WWOX: variants seen among roughly 807,000 people sequenced by gnomAD.
WWOX encodes the protein WW domain-containing oxidoreductase.
In WWOX, 69 loss-of-function variants were observed where a neutral mutation model predicts 46.2. The ratio of observed to expected loss-of-function variants is 1.49; its 90% CI spans 1.23 to 1.82. The LOEUF is 1.82. WWOX is among the 40% of genes most tolerant of loss of function. The pLI is 0.00. For synonymous variants in WWOX, 359 were observed against 202.6 expected (o/e 1.77, Z -6.56); for missense variants, 919 against 542.6 (o/e 1.69, Z -6.89).
At chr16:78,419,666 A>AT (rs1182113064) in intron 6 of WWOX, among the ~76,000 whole-genome samples, 9 of 149,930 alleles carry the variant, frequency 6.0e-5, no homozygotes, top group Non-Finnish European at 1.0e-4. Flanking sequence ...AGAGACTTAA[A>AT]TGTAAGAGCT....
At chr16:78,972,329 G>C (rs1019553528) in intron 8 of WWOX, among the ~76,000 whole-genome samples, 1 of 152,146 alleles carries the variant, frequency 6.6e-6, no homozygotes, top group African/African-American at 2.4e-5. Context: ...GGATCCAGGA[G>C]GGCTTTATTG....
intron 6 of WWOX, among the ~76,000 whole-genome samples, chr16:78,418,046 T>C (rs2082838956): frequency 6.6e-6 from 1 of 152,124 alleles, no homozygotes; most frequent in Non-Finnish European, 1.5e-5. Flanking sequence ...AATTAATGAG[T>C]GCTTTCCAGC....
At chr16:78,259,037 A>G (rs1014748011) in intron 5 of WWOX, among the ~76,000 whole-genome samples, 1 of 152,218 alleles carries the variant, frequency 6.6e-6, no homozygotes, top group Admixed American at 6.5e-5. Flanking sequence ...AAGAACTCAT[A>G]AAGTAATTTA....
At chr16:78,900,374 A>C (rs1232455999) in intron 8 of WWOX, among the ~76,000 whole-genome samples, 1 of 152,162 alleles carries the variant, frequency 6.6e-6, no homozygotes, top group African/African-American at 2.4e-5. Context: ...ATATTATTAA[A>C]AACTGTGCAT....
At chr16:78,980,723 C>G (rs1177193501) in intron 8 of WWOX, among the ~76,000 whole-genome samples, 3 of 152,140 alleles carry the variant, frequency 2.0e-5, no homozygotes, top group African/African-American at 7.2e-5. Flanking sequence ...CAGCTCCATT[C>G]TCCCAAGGAG....
At chr16:78,211,376 C>A (rs1329094339) in intron 5 of WWOX, among the ~76,000 whole-genome samples, 1 of 152,156 alleles carries the variant, frequency 6.6e-6, no homozygotes. Flanking sequence ...CAAATACATG[C>A]TGTGGGCCTA....
chr16:79,102,536 C>T (rs2049222783), intron 8 of WWOX, among the ~76,000 whole-genome samples: 1 of 152,198 alleles, frequency 6.6e-6, no homozygotes, highest in Non-Finnish European at 1.5e-5. Flanking sequence ...GTTGCTGAAA[C>T]CCTTCTTTGA....
chr16:78,785,993 G>T lies in WWOX; in HGVS notation c.1056+353241G>T, dbSNP rs909455943. Among the ~76,000 whole-genome samples the T allele has an allele frequency of 9.2e-5, 14 of 152,154 alleles. No homozygotes were observed. In the East Asian group the frequency reaches 1.7e-3, roughly 19 times the overall value. On this transcript the variant is annotated intron_variant, in intron 8 of 8. Coordinates refer to ENST00000566780, the MANE Select transcript of WWOX (RefSeq NM_016373.4). ...GCGATCTCTGCTCACCGCAACCTCC[G>T]CCTCCTGGGTTCAAGCGATTCTCAT...
intron 8 of WWOX, among the ~76,000 whole-genome samples, chr16:78,537,150 C>A (rs1443344466): frequency 1.3e-5 from 2 of 152,070 alleles, no homozygotes; most frequent in Non-Finnish European, 2.9e-5. Flanking sequence ...CACCTGACCT[C>A]AGGTGATCTG....
At chr16:78,245,083 C>T (rs984373612) in intron 5 of WWOX, among the ~76,000 whole-genome samples, 1 of 152,206 alleles carries the variant, frequency 6.6e-6, no homozygotes. Context: ...AATTAATTCT[C>T]CTCCTGCAAT....
At chr16:78,684,183 A>T (rs566878847) in intron 8 of WWOX, among the ~76,000 whole-genome samples, 2 of 152,314 alleles carry the variant, frequency 1.3e-5, no homozygotes, top group East Asian at 1.9e-4. Flanking sequence ...CTAGCGCAGA[A>T]ATCCACTGGC....
intron 8 of WWOX, among the ~76,000 whole-genome samples, chr16:78,901,146 T>C (rs769285709): frequency 6.6e-6 from 1 of 152,206 alleles, no homozygotes; most frequent in Non-Finnish European, 1.5e-5. Context: ...TCCATTTTCA[T>C]AGGGCAAAAT....
At chr16:78,283,628 G>A (rs1212642647) in intron 5 of WWOX, among the ~76,000 whole-genome samples, 1 of 151,866 alleles carries the variant, frequency 6.6e-6, no homozygotes, top group African/African-American at 2.4e-5. Flanking sequence ...GGTTTCCTGT[G>A]GCTCTCCTCC....
intron 8 of WWOX, among the ~76,000 whole-genome samples, chr16:79,012,493 C>T (rs1448870919): frequency 6.6e-6 from 1 of 152,126 alleles, no homozygotes; most frequent in Non-Finnish European, 1.5e-5. Flanking sequence ...CCTTAGCCTC[C>T]TAAAGTACTG....
intron 8 of WWOX, among the ~76,000 whole-genome samples, chr16:78,441,079 A>T (rs2083434551): frequency 6.6e-6 from 1 of 152,086 alleles, no homozygotes; most frequent in Admixed American, 6.5e-5. Context: ...AGTAGCTGAG[A>T]TTACAGGTGT....
intron 8 of WWOX, among the ~76,000 whole-genome samples, chr16:78,878,467 T>C (rs1363028375): frequency 6.6e-6 from 1 of 152,192 alleles, no homozygotes; most frequent in African/African-American, 2.4e-5. Context: ...AACTATTTTA[T>C]AGGGCTTGGG....
At chr16:79,038,611 G>A (rs1248810447) in intron 8 of WWOX, among the ~76,000 whole-genome samples, 1 of 152,092 alleles carries the variant, frequency 6.6e-6, no homozygotes, top group Admixed American at 6.6e-5. Context: ...GTGCAATGGT[G>A]CAATCTCAGC....
At chr16:79,055,004 TAAAAC>T (rs1208763513) in intron 8 of WWOX, among the ~76,000 whole-genome samples, 2 of 152,214 alleles carry the variant, frequency 1.3e-5, no homozygotes, top group Non-Finnish European at 2.9e-5. Context: ...ATCAGGCTGA[TAAAAC>T]AACCTGAAAA....
At chr16:78,375,541 T>C (rs745653695) in intron 5 of WWOX, among the ~76,000 whole-genome samples, 3 of 152,226 alleles carry the variant, frequency 2.0e-5, no homozygotes, top group Middle Eastern at 3.2e-3. Context: ...TACTTTTTAA[T>C]TTACGATAAA....
Sources: allele counts gnomAD v4.1 joint callset (sites outside exome capture counted in the v4.1 genomes callset), GRCh38; gene constraint gnomAD v4.1.1; transcripts MANE v1.5; gene names NCBI Gene and HGNC (gene_info 2026-07-23, HGNC 2026-07-21).